The following STX8 variants were observed in gnomAD, a reference collection of about 807,000 sequenced individuals.
STX8 encodes syntaxin 8, also known as syntaxin-8.
Under a neutral mutation model 37.5 loss-of-function variants are expected in STX8, and 23 were observed. That is an observed-to-expected ratio of 0.61 (90% CI 0.44 to 0.87). The LOEUF (loss-of-function observed/expected upper bound fraction) is 0.87, where lower values mean the gene tolerates loss of function less well. Ranked by LOEUF, STX8 falls within the 40% of genes least tolerant of loss-of-function variation. The pLI, the probability that STX8 is intolerant of heterozygous loss-of-function variation, is 0.00. For synonymous variants in STX8, 115 were observed against 99.1 expected, an observed-to-expected ratio of 1.16 and a Z score of -0.95; for missense variants, 313 against 284.7, an observed-to-expected ratio of 1.10 and a Z score of -0.71.
chr17:9,295,601 G>C (rs1306230938), intron 7 of STX8, among the ~76,000 whole-genome samples: 1 of 151,586 alleles, frequency 6.6e-6, no homozygotes, highest in African/African-American at 2.4e-5. Flanking sequence ...AAATTAGCTG[G>C]GCGTGGTGGC....
chr17:9,304,369 A>G (rs1252697680), intron 7 of STX8, among the ~76,000 whole-genome samples: 1 of 152,030 alleles, frequency 6.6e-6, no homozygotes, highest in Admixed American at 6.6e-5. Flanking sequence ...ATAAATTAAT[A>G]CAAATAATTA....
At chr17:9,362,982 G>A (rs1477399044) in intron 7 of STX8, among the ~76,000 whole-genome samples, 2 of 152,172 alleles carry the variant, frequency 1.3e-5, no homozygotes, top group African/African-American at 4.8e-5. Flanking sequence ...AACTCTGCAT[G>A]TATTTAACTT....
chr17:9,530,371 T>C (rs1337298475), intron 4 of STX8, among the ~76,000 whole-genome samples: 1 of 151,922 alleles, frequency 6.6e-6, no homozygotes, highest in Non-Finnish European at 1.5e-5. Flanking sequence ...TTTGTATAGT[T>C]CCATTTCAGC....
intron 6 of STX8, among the ~76,000 whole-genome samples, chr17:9,472,086 T>TTC: frequency 7.1e-6 from 1 of 140,724 alleles, no homozygotes; most frequent in East Asian, 2.0e-4. Context: ...TTTTTTTTTT[T>TTC]CAAAAGAAAA....
At chr17:9,522,194 G>C (rs1905367785) in intron 4 of STX8, among the ~76,000 whole-genome samples, 1 of 152,074 alleles carries the variant, frequency 6.6e-6, no homozygotes. Context: ...GGGCAAAAAG[G>C]GGTGATACAC....
intron 7 of STX8, among the ~76,000 whole-genome samples, chr17:9,274,393 G>A (rs943984746): frequency 6.6e-6 from 1 of 151,976 alleles, no homozygotes; most frequent in Non-Finnish European, 1.5e-5. Context: ...GGCCGGGCGC[G>A]GTGGCTCCCA....
At chr17:9,278,422 C>T (rs545053756) in intron 7 of STX8, among the ~76,000 whole-genome samples, 1 of 151,794 alleles carries the variant, frequency 6.6e-6, no homozygotes, top group African/African-American at 2.4e-5. Flanking sequence ...TCACTCCTGC[C>T]TGGGCAACAA....
At chr17:9,559,732 T>TA (rs1299629786) in intron 2 of STX8, among the ~76,000 whole-genome samples, 1 of 46,540 alleles carries the variant, frequency 2.1e-5, no homozygotes, top group African/African-American at 7.0e-5. Flanking sequence ...ATTATTATTA[T>TA]TTTATATATA....
chr17:9,297,021 T>C (rs1908577799), intron 7 of STX8, among the ~76,000 whole-genome samples: 1 of 151,982 alleles, frequency 6.6e-6, no homozygotes, highest in South Asian at 2.1e-4. Context: ...ATCTTGTAAA[T>C]GGGAAGAATA....
chr17:9,485,359 G>A (rs1450198736), intron 6 of STX8, among the ~76,000 whole-genome samples: 3 of 152,118 alleles, frequency 2.0e-5, no homozygotes, highest in Non-Finnish European at 4.4e-5. Context: ...GATGAAGAAG[G>A]CATTCATGGA....
intron 7 of STX8, among the ~76,000 whole-genome samples, chr17:9,274,659 G>C (rs1247398569): frequency 7.0e-6 from 1 of 142,600 alleles, no homozygotes; most frequent in Non-Finnish European, 1.5e-5. Context: ...CTGGGCAACA[G>C]TGTGAGACTC....
At chr17:9,279,491 C>G (rs1212550332) in intron 7 of STX8, among the ~76,000 whole-genome samples, 1 of 152,188 alleles carries the variant, frequency 6.6e-6, no homozygotes, top group East Asian at 1.9e-4. Context: ...CCAGCTTTGA[C>G]TAAGTTTATC....
At chr17:9,337,300 T>C (rs1345355508) in intron 7 of STX8, among the ~76,000 whole-genome samples, 1 of 152,222 alleles carries the variant, frequency 6.6e-6, no homozygotes, top group Non-Finnish European at 1.5e-5. Context: ...TATTTCAATG[T>C]CCATACTGGG....
intron 6 of STX8, among the ~76,000 whole-genome samples, chr17:9,411,211 C>T (rs991924087): frequency 1.3e-5 from 2 of 152,286 alleles, no homozygotes; most frequent in Admixed American, 6.5e-5. Context: ...TGGTCAGTAA[C>T]ACCCAGATGT....
At chr17:9,512,832 A>G (rs188153155) in intron 4 of STX8, among the ~76,000 whole-genome samples, 31 of 152,354 alleles carry the variant, frequency 2.0e-4, no homozygotes, top group Admixed American at 7.2e-4. Context: ...GCACATGCAT[A>G]AGAATGAACC....
At chr17:9,498,616 T>A (rs1045331768) in intron 5 of STX8, among the ~76,000 whole-genome samples, 4 of 152,132 alleles carry the variant, frequency 2.6e-5, no homozygotes, top group African/African-American at 9.7e-5. Context: ...GCTACTAAGA[T>A]TCCCCAGTGT....
intron 7 of STX8, among the ~76,000 whole-genome samples, chr17:9,351,687 A>C (rs1910711579): frequency 6.6e-6 from 1 of 152,098 alleles, no homozygotes; most frequent in African/African-American, 2.4e-5. Context: ...ATATTTCTTT[A>C]GTTTCCTTTA....
chr17:9,405,062 T>A (rs6503199), intron 6 of STX8, among the ~76,000 whole-genome samples: 149,896 of 152,246 alleles, frequency 0.98, 73,848 homozygotes, highest in Middle Eastern at 1. Context: ...AGTCATGTAC[T>A]ACATCTGGAC....
chr17:9,361,101 T>C (rs1170257872), intron 7 of STX8, among the ~76,000 whole-genome samples: 1 of 152,132 alleles, frequency 6.6e-6, no homozygotes, highest in Non-Finnish European at 1.5e-5. Context: ...AAAATTGTCA[T>C]TGCCTGGCTC....
Sources: allele counts gnomAD v4.1 joint callset (sites outside exome capture counted in the v4.1 genomes callset), GRCh38; gene constraint gnomAD v4.1.1; transcripts MANE v1.5; gene names NCBI Gene and HGNC (gene_info 2026-07-23, HGNC 2026-07-21).